Variants in GPD2 observed in about 807,000 individuals in gnomAD.
GPD2 encodes glycerol-3-phosphate dehydrogenase, mitochondrial.
Under a neutral mutation model 82.4 loss-of-function variants are expected in GPD2, and 54 were observed. The ratio of observed to expected loss-of-function variants is 0.66; its 90% CI spans 0.53 to 0.82. The LOEUF (loss-of-function observed/expected upper bound fraction) is 0.82, where lower values mean the gene tolerates loss of function less well. GPD2 is among the 40% of genes least tolerant of loss of function. GPD2 has a pLI of 0.00. For missense variants in GPD2, 748 were observed against 896.2 expected, an observed-to-expected ratio of 0.83 and a Z score of 2.11; for synonymous variants, 288 against 306.1, an observed-to-expected ratio of 0.94 and a Z score of 0.62.
intron 2 of GPD2, among the ~76,000 whole-genome samples, chr2:156,481,606 G>A (rs1285325580): frequency 6.6e-6 from 1 of 151,028 alleles, no homozygotes; most frequent in Admixed American, 6.6e-5. Flanking sequence ...TGTCCTCCAG[G>A]CTCATCTGTG....
At chr2:156,451,688 C>T (rs1167909862) in intron 1 of GPD2, among the ~76,000 whole-genome samples, 21 of 134,690 alleles carry the variant, frequency 1.6e-4, no homozygotes, top group African/African-American at 5.6e-4. Flanking sequence ...GCTGGCAGGG[C>T]GGGGGGCTGA....
the GPD2 span, among the ~76,000 whole-genome samples, chr2:156,428,333 C>T: frequency 2.6e-5 from 4 of 152,204 alleles, no homozygotes; most frequent in Non-Finnish European, 4.4e-5. Flanking sequence ...ACTAGAATTT[C>T]AACCTCCAGC....
At position 156,489,361 on chromosome 2, in the gene GPD2, T is replaced by A. The variant is rs142187524; in HGVS notation, c.103-6683T>A. Among the ~76,000 whole-genome samples the A allele has an allele frequency of 1.9e-3, 297 of 152,328 alleles. 2 individuals are homozygous for A. The highest frequency in any genetic ancestry group is 6.8e-3 in the Middle Eastern group (2 of 294). On this transcript the variant is annotated intron_variant, in intron 2 of 16. Transcript: ENST00000438166. ...AAAACATTCTAGTGCGACTTCTAGT[T>A]TTAACACATGCTCTTCCCACTTCCT...
the GPD2 span, among the ~76,000 whole-genome samples, chr2:156,421,738 C>A: frequency 2.0e-5 from 3 of 152,124 alleles, no homozygotes; most frequent in African/African-American, 7.2e-5. Flanking sequence ...TGATGTTTTC[C>A]CCTCACTTTT....
chr2:156,516,810 A>G (rs1685215167), intron 6 of GPD2, among the ~76,000 whole-genome samples: 1 of 151,892 alleles, frequency 6.6e-6, no homozygotes, highest in South Asian at 2.1e-4. Context: ...GTAATATCTT[A>G]TACACTTACT....
At chr2:156,554,155 G>A (rs1053115871) in intron 8 of GPD2, among the ~76,000 whole-genome samples, 5 of 152,218 alleles carry the variant, frequency 3.3e-5, no homozygotes, top group African/African-American at 1.2e-4. Context: ...TCCCATAGGG[G>A]TGGTTTTCCT....
At chr2:156,423,583 A>C in the GPD2 span, among the ~76,000 whole-genome samples, 1 of 152,178 alleles carries the variant, frequency 6.6e-6, no homozygotes, top group Non-Finnish European at 1.5e-5. Flanking sequence ...CTCTTATGGT[A>C]ATTATTGTTT....
the GPD2 span, among the ~76,000 whole-genome samples, chr2:156,414,670 GAAAT>G: frequency 5.3e-5 from 8 of 151,994 alleles, no homozygotes; most frequent in African/African-American, 7.2e-5. Context: ...TATTAAAAAA[GAAAT>G]AAACTTTTTA....
At chr2:156,541,835 T>TTTG (rs1553475250) in intron 6 of GPD2, among the ~76,000 whole-genome samples, 1 of 145,338 alleles carries the variant, frequency 6.9e-6, no homozygotes, top group Non-Finnish European at 1.5e-5. Flanking sequence ...TTTTTTTTTT[T>TTTG]TTTTTTTTTT....
At chr2:156,563,403 A>T (rs1353663963) in intron 9 of GPD2, among the ~76,000 whole-genome samples, 1 of 152,184 alleles carries the variant, frequency 6.6e-6, no homozygotes, top group East Asian at 1.9e-4. Flanking sequence ...GCTGTAAAGC[A>T]TAGAGGCCAT....
upstream of GPD2, among the ~76,000 whole-genome samples, chr2:156,432,989 CA>C (rs576972643): frequency 8.2e-4 from 125 of 152,184 alleles, no homozygotes; most frequent in African/African-American, 2.9e-3. Flanking sequence ...CCAAATTTGG[CA>C]AGAGGAATCA....
chr2:156,496,713 TG>T lies in GPD2; in HGVS notation c.274+500del, dbSNP rs1249106351. Among the ~76,000 whole-genome samples, 5 of 152,224 alleles carry T rather than the reference TG, an allele frequency of 3.3e-5. No homozygotes were observed. The South Asian group carries it at 1.0e-3, about 32-fold the overall frequency. On this transcript the variant is annotated intron_variant, in intron 3 of 16. Transcript: ENST00000438166. ...ATTTTATGAGTTTATTAATTTGTTCTGGTTTTTTTTAAAGCACATATTTATA... is the reference window on the plus strand; with the variant it reads ...ATTTTATGAGTTTATTAATTTGTTCTGTTTTTTTTAAAGCACATATTTATA...
chr2:156,498,492 G>A (rs1005614344), intron 3 of GPD2, among the ~76,000 whole-genome samples: 1 of 152,202 alleles, frequency 6.6e-6, no homozygotes, highest in African/African-American at 2.4e-5. Flanking sequence ...AAAATGTGCA[G>A]GAGGAACAGC....
rs764260108 is a variant in GPD2 at position 156,476,219 on chromosome 2, T to TAATCA, written c.102+13_102+14insATCAA. 3 of 1,403,300 alleles carry TAATCA rather than the reference T, an allele frequency of 2.1e-6. No homozygotes were observed. Among genetic ancestry groups the TAATCA allele is most frequent in the Non-Finnish European group, 3.0e-6 (3 of 987,680 alleles). The allele number at this position is 1,403,300 out of a possible 1,614,324, so 86.9% of individuals were successfully genotyped here. A position where few individuals can be genotyped will look rare whatever the true frequency, so the allele number is the denominator to read the frequency against. Reference sequence around the variant, plus strand: ...ACAGAAGGAAACAAGTAAGTAACTGTACTTGTGTTGATTACAGTATGCAAC... The same window carrying TAATCA: ...ACAGAAGGAAACAAGTAAGTAACTGTAATCAACTTGTGTTGATTACAGTATGCAAC... On this transcript the variant is annotated intron_variant, in intron 2 of 16. Coordinates refer to ENST00000438166, the MANE Select transcript of GPD2 (RefSeq NM_000408.5).
chr2:156,567,510 G>T (rs1687436195), intron 9 of GPD2, among the ~76,000 whole-genome samples: 1 of 152,074 alleles, frequency 6.6e-6, no homozygotes, highest in African/African-American at 2.4e-5. Context: ...TGATGAAGAA[G>T]GAGGGCACAC....
intron 1 of GPD2, among the ~76,000 whole-genome samples, chr2:156,448,243 G>GA (rs1235759982): frequency 2.6e-5 from 4 of 152,012 alleles, no homozygotes; most frequent in African/African-American, 9.7e-5. Context: ...GAGTAGCTGG[G>GA]ATTACAAGCA....
intron 1 of GPD2, among the ~76,000 whole-genome samples, chr2:156,439,067 GT>G (rs1446161739): frequency 1.3e-5 from 2 of 152,166 alleles, no homozygotes; most frequent in African/African-American, 4.8e-5. Flanking sequence ...TTTTAGGAAT[GT>G]TTGCTATTGT....
At chr2:156,549,510 G>C in intron 6 of GPD2, 98 bp from the exon 7 acceptor site, 1 of 1,029,696 alleles carries the variant, frequency 9.7e-7, no homozygotes, top group Non-Finnish European at 1.5e-6. Context: ...CTGGGTGACA[G>C]GGACAGATGT....
At chr2:156,561,040 C>CTTTATTTTTTTTTTTTTTT (rs1687149294) in intron 9 of GPD2, among the ~76,000 whole-genome samples, 1 of 27,624 alleles carries the variant, frequency 3.6e-5, no homozygotes, top group African/African-American at 1.4e-4. Context: ...TGACATTAAG[C>CTTTATTTTTTTTTTTTTTT]TTTTTTTTTT....
Sources: gnomAD v4.1 joint callset for allele counts (sites outside exome capture counted in the v4.1 genomes callset) on GRCh38, gnomAD v4.1.1 for gene constraint, MANE v1.5 for transcripts, NCBI Gene and HGNC (gene_info 2026-07-23, HGNC 2026-07-21) for gene names.